The following VPS50 variants were observed in gnomAD, a reference collection of about 807,000 sequenced individuals.
The protein encoded by VPS50 is syndetin.
A neutral mutation model predicts 139.7 loss-of-function variants in VPS50; 70 were observed. The ratio of observed to expected loss-of-function variants is 0.50; its 90% CI spans 0.41 to 0.61. The LOEUF is 0.61. VPS50 is among the 20% of genes least tolerant of loss of function. VPS50 has a pLI of 0.00. For synonymous variants in VPS50, 365 were observed against 376.7 expected (o/e 0.97, Z 0.36); for missense variants, 921 against 1,133.7 (o/e 0.81, Z 2.69).
chr7:93,354,656 A>C (rs1438197622), intron 26 of VPS50, among the ~76,000 whole-genome samples: 2 of 152,154 alleles, frequency 1.3e-5, no homozygotes, highest in African/African-American at 4.8e-5. Context: ...ATTAATAATA[A>C]TCACCATCAT....
intron 27 of VPS50, 138 bp downstream of exon 27, chr7:93,356,218 C>A: frequency 2.2e-6 from 1 of 455,926 alleles, no homozygotes; most frequent in Non-Finnish European, 3.9e-6. Context: ...CTACTTAGGT[C>A]AATTCTTTGC....
intron 22 of VPS50, among the ~76,000 whole-genome samples, chr7:93,336,719 C>A (rs1798078711): frequency 6.6e-6 from 1 of 152,116 alleles, no homozygotes; most frequent in Admixed American, 6.6e-5. Flanking sequence ...GCCATGTTGG[C>A]CAGGCTGGTC....
intron 12 of VPS50, among the ~76,000 whole-genome samples, chr7:93,281,596 G>A (rs577249765): frequency 1.3e-5 from 2 of 151,836 alleles, no homozygotes; most frequent in African/African-American, 2.4e-5. Flanking sequence ...TCTGTTTTCC[G>A]ACTTCTTAAA....
intron 2 of VPS50, among the ~76,000 whole-genome samples, chr7:93,248,125 TA>T (rs1197528018): frequency 1.3e-5 from 2 of 151,856 alleles, no homozygotes; most frequent in Admixed American, 1.3e-4. Flanking sequence ...AAATTTATTA[TA>T]AAAATATTTT....
At chr7:93,315,709 G>A (rs988242173) in intron 20 of VPS50, among the ~76,000 whole-genome samples, 5 of 152,014 alleles carry the variant, frequency 3.3e-5, no homozygotes, top group African/African-American at 7.2e-5. Context: ...ATTTACTTGC[G>A]AACTACTTAT....
At chr7:93,315,419 C>T (rs1797397464) in intron 20 of VPS50, among the ~76,000 whole-genome samples, 1 of 152,158 alleles carries the variant, frequency 6.6e-6, no homozygotes, top group Admixed American at 6.5e-5. Flanking sequence ...CCTATAAATA[C>T]TTCCTCTCGC....
Position 93,306,008 on chromosome 7 carries a change from T to G in VPS50, c.1629+4T>G. The G allele has an allele frequency of 6.2e-7, 1 of 1,603,078 alleles. No individual in the cohort carries two copies. Among genetic ancestry groups the G allele is most frequent in the Non-Finnish European group, 8.5e-7 (1 of 1,172,536 alleles). On this transcript the variant is annotated splice_donor_region_variant and intron_variant, in intron 18 of 27. Coordinates refer to ENST00000305866, the MANE Select transcript of VPS50 (RefSeq NM_017667.4). ...AGATGTCTTAGCTTCTAATGGGGTA[T>G]GTGGTGTATGTGAAACATAAGTGAG... is the stretch of plus-strand genomic sequence containing the variant.
At chr7:93,284,301 C>A (rs1038953486) in intron 12 of VPS50, among the ~76,000 whole-genome samples, 1 of 151,974 alleles carries the variant, frequency 6.6e-6, no homozygotes, top group Admixed American at 6.6e-5. Flanking sequence ...TTTGTGTGAT[C>A]TCAGGCAGCG....
intron 21 of VPS50, chr7:93,333,878 T>C (rs1798002549): frequency 2.4e-6 from 1 of 424,506 alleles, no homozygotes; most frequent in African/African-American, 2.1e-5. Context: ...TCTCTCCTGA[T>C]AATTCTTAAG....
intron 2 of VPS50, among the ~76,000 whole-genome samples, chr7:93,251,535 G>T (rs925170279): frequency 6.7e-6 from 1 of 150,052 alleles, no homozygotes; most frequent in Non-Finnish European, 1.5e-5. Flanking sequence ...GGGGCTAGGG[G>T]AGGGATAGCA....
At chr7:93,348,989 T>C (rs1303802633) in intron 24 of VPS50, among the ~76,000 whole-genome samples, 182 bp downstream of exon 24, 1 of 152,174 alleles carries the variant, frequency 6.6e-6, no homozygotes, top group Non-Finnish European at 1.5e-5. Context: ...GAGCACCTCA[T>C]GTAACTTTTA....
chr7:93,240,077 G>T (rs1794934411), intron 2 of VPS50, 143 bp downstream of exon 2: 1 of 573,760 alleles, frequency 1.7e-6, no homozygotes, highest in Non-Finnish European at 3.2e-6. Context: ...TTATTGTATA[G>T]TAGGTGTAGG....
At chr7:93,251,435 A>G (rs1562850574) in intron 2 of VPS50, among the ~76,000 whole-genome samples, 1 of 152,004 alleles carries the variant, frequency 6.6e-6, no homozygotes, top group Non-Finnish European at 1.5e-5. Context: ...ATAGAAAACC[A>G]AACACTGCAT....
intron 25 of VPS50, among the ~76,000 whole-genome samples, chr7:93,350,671 T>C (rs991691227): frequency 2.6e-5 from 4 of 151,862 alleles, no homozygotes; most frequent in Non-Finnish European, 5.9e-5. Flanking sequence ...TAATATCAGA[T>C]GATGAATAAT....
At chr7:93,256,672 A>G (rs1795492221) in intron 5 of VPS50, 110 bp downstream of exon 5, 1 of 618,462 alleles carries the variant, frequency 1.6e-6, no homozygotes, top group South Asian at 2.0e-5. Flanking sequence ...GTAGCAGCAT[A>G]TTGACTGTTT....
At chr7:93,277,362 G>A (rs912541046) in intron 12 of VPS50, among the ~76,000 whole-genome samples, 10 of 152,178 alleles carry the variant, frequency 6.6e-5, no homozygotes, top group African/African-American at 2.2e-4. Flanking sequence ...CTAAGAATGC[G>A]CTATGTCTCT....
chr7:93,325,667 AT>A (rs1281752328), intron 21 of VPS50, among the ~76,000 whole-genome samples: 1 of 152,226 alleles, frequency 6.6e-6, no homozygotes, highest in Non-Finnish European at 1.5e-5. Flanking sequence ...AAAAGAAGAC[AT>A]TTATGCAGCC....
chr7:93,287,262 C>G (rs1463831231), intron 12 of VPS50, among the ~76,000 whole-genome samples: 1 of 151,982 alleles, frequency 6.6e-6, no homozygotes, highest in Admixed American at 6.6e-5. Context: ...ATTATTTACA[C>G]TTGAATCAGT....
At chr7:93,281,861 A>C (rs1398717963) in intron 12 of VPS50, among the ~76,000 whole-genome samples, 1 of 152,242 alleles carries the variant, frequency 6.6e-6, no homozygotes, top group Non-Finnish European at 1.5e-5. Flanking sequence ...AGCTTTTAAA[A>C]GTAGCTGCAC....
Sources: gnomAD v4.1 joint callset for allele counts (sites outside exome capture counted in the v4.1 genomes callset) on GRCh38, gnomAD v4.1.1 for gene constraint, MANE v1.5 for transcripts, NCBI Gene and HGNC (gene_info 2026-07-23, HGNC 2026-07-21) for gene names.